Variants in TMEFF1 observed in about 807,000 individuals in gnomAD.
TMEFF1 encodes tomoregulin-1.
TMEFF1 carries 20 observed loss-of-function variants against 47.5 expected under a neutral mutation model. That is an observed-to-expected ratio of 0.42 (90% CI 0.30 to 0.61). TMEFF1 has a LOEUF of 0.61. Ranked by LOEUF, TMEFF1 falls within the 20% of genes least tolerant of loss-of-function variation. The pLI, the probability that TMEFF1 is intolerant of heterozygous loss-of-function variation, is 0.19. For synonymous variants in TMEFF1, 162 were observed against 166.3 expected, an observed-to-expected ratio of 0.97 and a Z score of 0.20; for missense variants, 411 against 471.1, an observed-to-expected ratio of 0.87 and a Z score of 1.18.
At chr9:100,548,002 C>G in intron 6 of TMEFF1, 110 bp downstream of exon 6, 1 of 1,225,104 alleles carries the variant, frequency 8.2e-7, no homozygotes. Context: ...ATCCTCGAAG[C>G]TTTATTTTTT....
chr9:100,539,514 C>A (rs1474991534), intron 5 of TMEFF1, among the ~76,000 whole-genome samples: 1 of 152,014 alleles, frequency 6.6e-6, no homozygotes, highest in African/African-American at 2.4e-5. Flanking sequence ...AGCTGCAGAC[C>A]TTTGCGATGA....
At chr9:100,540,214 T>G (rs1469156436) in intron 5 of TMEFF1, among the ~76,000 whole-genome samples, 7 of 151,756 alleles carry the variant, frequency 4.6e-5, no homozygotes, top group African/African-American at 1.7e-4. Flanking sequence ...GACACAAAAG[T>G]TCTCCAAGTC....
In TMEFF1 at chr9:100,499,600, G is replaced by A. The variant is rs79625533; in HGVS notation, c.306+726G>A. On this transcript the variant is annotated intron_variant, in intron 2 of 9. Coordinates refer to ENST00000374879, the MANE Select transcript of TMEFF1 (RefSeq NM_003692.5). ...CGTACCCACCATTTGGGTTTTGAGG[G>A]GAAGAAAGGGCACAGAAATCAGAAA... Among the ~76,000 whole-genome samples the A allele has an allele frequency of 5.9e-3, 892 of 152,188 alleles. 8 individuals carry two copies. The highest frequency in any genetic ancestry group is 0.02 in the African/African-American group (831 of 41,516).
intron 1 of TMEFF1, among the ~76,000 whole-genome samples, chr9:100,479,452 G>A (rs7049241): frequency 0.24 from 37,048 of 151,932 alleles, 5,129 homozygotes; most frequent in African/African-American, 0.37. Context: ...AAAATTGTAC[G>A]ACTGTCACCA....
chr9:100,562,639 G>A (rs967021795), intron 8 of TMEFF1, among the ~76,000 whole-genome samples: 15 of 132,774 alleles, frequency 1.1e-4, no homozygotes, highest in Admixed American at 3.0e-4. Context: ...TGTTTGTTTT[G>A]TTTTGTTTTG....
chr9:100,551,858 T>C (rs959703014), intron 7 of TMEFF1, among the ~76,000 whole-genome samples: 1 of 152,162 alleles, frequency 6.6e-6, no homozygotes, highest in African/African-American at 2.4e-5. Flanking sequence ...AGTTTAAAAG[T>C]GCAATGGGAA....
At chr9:100,531,037 C>A (rs939629944) in intron 5 of TMEFF1, among the ~76,000 whole-genome samples, 7 of 151,328 alleles carry the variant, frequency 4.6e-5, no homozygotes, top group African/African-American at 1.7e-4. Context: ...AATTCAACAA[C>A]CCTTCATGCT....
In TMEFF1 at chr9:100,552,735, C is replaced by T. The variant is rs554326026; in HGVS notation, c.775+2575C>T. ...AAAATTAACCCGTGGTGGTGGTACG[C>T]GATGTGGTCGCAGCTGCTTGGGAGG... is the stretch of plus-strand genomic sequence containing the variant. On this transcript the variant is annotated intron_variant, in intron 7 of 9. Coordinates refer to ENST00000374879, the MANE Select transcript of TMEFF1 (RefSeq NM_003692.5). Among the ~76,000 whole-genome samples the T allele has an allele frequency of 7.9e-5, 12 of 152,008 alleles. 1 individual carries two copies. Among genetic ancestry groups the T allele is most frequent in the Middle Eastern group, 3.4e-3 (1 of 294 alleles).
At chr9:100,570,535 T>TGTCTCTTCAAC (rs1363861031) in intron 8 of TMEFF1, among the ~76,000 whole-genome samples, 2 of 152,158 alleles carry the variant, frequency 1.3e-5, no homozygotes, top group Non-Finnish European at 2.9e-5. Context: ...GAAGAAACAG[T>TGTCTCTTCAAC]TCTTTCCCCA....
At chr9:100,520,752 A>C (rs1008399773) in intron 5 of TMEFF1, among the ~76,000 whole-genome samples, 1 of 152,206 alleles carries the variant, frequency 6.6e-6, no homozygotes, top group Non-Finnish European at 1.5e-5. Flanking sequence ...TAGAGCAAGG[A>C]AGTATTATCC....
chr9:100,570,421 C>T (rs1004238693), intron 8 of TMEFF1, among the ~76,000 whole-genome samples: 4 of 151,932 alleles, frequency 2.6e-5, no homozygotes, highest in Admixed American at 1.3e-4. Context: ...TTAGCTCTTA[C>T]GTTTAGATCT....
At chr9:100,523,956 A>G (rs1466997187) in intron 5 of TMEFF1, among the ~76,000 whole-genome samples, 1 of 152,184 alleles carries the variant, frequency 6.6e-6, no homozygotes, top group Non-Finnish European at 1.5e-5. Flanking sequence ...GTATATATGC[A>G]TTCATGCCTT....
At chr9:100,523,325 A>T (rs1021018956) in intron 5 of TMEFF1, among the ~76,000 whole-genome samples, 3 of 152,122 alleles carry the variant, frequency 2.0e-5, no homozygotes, top group Non-Finnish European at 4.4e-5. Context: ...CACAGTTCCT[A>T]TGTGACCATA....
chr9:100,573,357 C>A (rs1839283648), intron 9 of TMEFF1, among the ~76,000 whole-genome samples: 1 of 152,182 alleles, frequency 6.6e-6, no homozygotes, highest in East Asian at 1.9e-4. Flanking sequence ...CTTTAAAATT[C>A]TGTATTATAA....
rs1837153355 is a variant in TMEFF1 at position 100,473,356 on chromosome 9, TCCGTCCCGAGCGCCGCGGGCCCGGG to T, written c.-186_-162del. ...CTCGCACGCGCCCGGACCCGCCGAC[TCCGTCCCGAGCGCCGCGGGCCCGGG>T]CCTGGCGGACGCTGCGGGTGGGGCG... On this transcript the variant is annotated 5_prime_UTR_variant, in exon 1 of 10. Transcript: ENST00000374879. This position sits in a 1 kb window ranked among gnomAD's most constrained non-coding sequence, Gnocchi z 5.4. The T allele has an allele frequency of 3.2e-6, 1 of 315,070 alleles. No individual in the cohort carries two copies. Among genetic ancestry groups the T allele is most frequent in the Admixed American group, 5.5e-5 (1 of 18,312 alleles). 19.5% of individuals were successfully genotyped at this position (315,070 alleles called of 1,614,324 possible).
intron 1 of TMEFF1, among the ~76,000 whole-genome samples, chr9:100,487,015 G>C (rs1837462728): frequency 6.6e-6 from 1 of 152,114 alleles, no homozygotes; most frequent in Non-Finnish European, 1.5e-5. Context: ...TGATGTTGCT[G>C]TATCAATTCT....
chr9:100,533,971 C>A (rs1311173761), intron 5 of TMEFF1, among the ~76,000 whole-genome samples: 1 of 152,140 alleles, frequency 6.6e-6, no homozygotes, highest in South Asian at 2.1e-4. Context: ...CCCACCTCGA[C>A]CTTCTAAAGT....
At position 100,538,062 on chromosome 9, in the gene TMEFF1, AT is replaced by A. The variant is rs879548790; in HGVS notation, c.561-9670del. On this transcript the variant is annotated intron_variant, in intron 5 of 9. Coordinates refer to ENST00000374879, the MANE Select transcript of TMEFF1 (RefSeq NM_003692.5). ...TCTACCTCCCAAGGCAAGAAACAGA[AT>A]TTTTTTTTTTTGAGACAGACTCTCA... Among the ~76,000 whole-genome samples the A allele has an allele frequency of 1.5e-3, 225 of 147,872 alleles. 2 individuals are homozygous for A. In the East Asian group the frequency reaches 0.03, roughly 20 times the overall value.
Position 100,473,433 on chromosome 9 carries a change from T to A in TMEFF1, c.-112T>A. 2.4e-6 allele frequency: 2 copies of A among 834,138 alleles called. No individual in the cohort carries two copies. Among genetic ancestry groups the A allele is most frequent in the Non-Finnish European group, 3.2e-6 (2 of 630,504 alleles). 51.7% of individuals were successfully genotyped at this position (834,138 alleles called of 1,614,324 possible). Reference sequence around the variant, plus strand: ...GGATGCTGACGGGCTGCTCCCCGGCTCAGCGGCGCGGCTGCTAGGAGGCAC... The same window carrying A: ...GGATGCTGACGGGCTGCTCCCCGGCACAGCGGCGCGGCTGCTAGGAGGCAC... On this transcript the variant is annotated 5_prime_UTR_variant, in exon 1 of 10. Coordinates refer to ENST00000374879, the MANE Select transcript of TMEFF1 (RefSeq NM_003692.5). This position sits in a 1 kb window ranked among gnomAD's most constrained non-coding sequence, Gnocchi z 5.4.
Sources: gnomAD v4.1 joint callset for allele counts (sites outside exome capture counted in the v4.1 genomes callset) on GRCh38, gnomAD v4.1.1 for gene constraint, Gnocchi (gnomAD v3.1) non-coding constraint, MANE v1.5 for transcripts, NCBI Gene and HGNC (gene_info 2026-07-23, HGNC 2026-07-21) for gene names.